SORCS3: variants seen among roughly 807,000 people sequenced by gnomAD.
The protein encoded by SORCS3 is VPS10 domain-containing receptor SorCS3.
In SORCS3, 57 loss-of-function variants were observed where a neutral mutation model predicts 146.3. The ratio of observed to expected loss-of-function variants is 0.39; its 90% CI spans 0.31 to 0.49. The LOEUF is 0.49. Among genes scored for constraint, SORCS3 ranks in the 20% least tolerant of loss-of-function variants. SORCS3 has a pLI of 0.92. For synonymous variants in SORCS3, 653 were observed against 618.5 expected (o/e 1.06, Z -0.83); for missense variants, 1,341 against 1,575.5 (o/e 0.85, Z 2.52).
intron 11 of SORCS3, among the ~76,000 whole-genome samples, chr10:105,161,611 C>G (rs549121171): frequency 2.6e-5 from 4 of 152,272 alleles, no homozygotes; most frequent in African/African-American, 7.2e-5. Flanking sequence ...TTGCCTTTTG[C>G]AAGCAGAAAC....
chr10:105,188,878 T>A (rs2056495933), intron 14 of SORCS3, among the ~76,000 whole-genome samples: 1 of 152,202 alleles, frequency 6.6e-6, no homozygotes, highest in African/African-American at 2.4e-5. Flanking sequence ...GAGTCGGGAT[T>A]TGTGGTTACC....
chr10:104,696,793 A>G (rs2016221916), intron 1 of SORCS3, among the ~76,000 whole-genome samples: 1 of 134,780 alleles, frequency 7.4e-6, no homozygotes, highest in Non-Finnish European at 1.5e-5. Flanking sequence ...ATGGAATATT[A>G]TTCAGCCATA....
intron 25 of SORCS3, among the ~76,000 whole-genome samples, chr10:105,259,357 CCT>C (rs2056947980): frequency 6.6e-6 from 1 of 152,176 alleles, no homozygotes. Flanking sequence ...TCCAAAGCTT[CCT>C]CTCTGTAATT....
chr10:105,113,362 A>G (rs1244211642), intron 7 of SORCS3, among the ~76,000 whole-genome samples: 4 of 152,306 alleles, frequency 2.6e-5, no homozygotes, highest in Middle Eastern at 3.4e-3. Context: ...AATGTACAGT[A>G]TATGCATTTG....
At chr10:105,130,956 G>A (rs1489646729) in intron 7 of SORCS3, among the ~76,000 whole-genome samples, 2 of 152,166 alleles carry the variant, frequency 1.3e-5, no homozygotes, top group South Asian at 2.1e-4. Context: ...TAGGAAAGCA[G>A]TGTTGGAAAA....
chr10:104,883,967 C>T (rs1455791310), intron 2 of SORCS3, among the ~76,000 whole-genome samples: 1 of 123,550 alleles, frequency 8.1e-6, no homozygotes, highest in Non-Finnish European at 1.6e-5. Context: ...CACTGTTCTG[C>T]TGTGGAATGA....
intron 22 of SORCS3, among the ~76,000 whole-genome samples, chr10:105,250,503 G>A (rs888073089): frequency 7.2e-5 from 11 of 152,162 alleles, no homozygotes; most frequent in Non-Finnish European, 8.8e-5. Context: ...AAATGAATCT[G>A]TATACACTGC....
At position 104,968,928 on chromosome 10, in the gene SORCS3, C is replaced by A. The variant is rs140025040; in HGVS notation, c.796-8407C>A. 1.8e-3 allele frequency among the ~76,000 whole-genome samples: 275 copies of A among 152,296 alleles called. 3 individuals carry two copies. The highest frequency in any genetic ancestry group is 6.4e-3 in the African/African-American group (267 of 41,562). The stretch of plus-strand genomic sequence containing the variant: ...TGTGTACTTTCCGATTTGACACAGT[C>A]CTCACCAGTCCCTGTCTTGGCTTGT... On this transcript the variant is annotated intron_variant, in intron 3 of 26. Coordinates refer to ENST00000369701, the MANE Select transcript of SORCS3 (RefSeq NM_014978.3).
At chr10:105,242,468 T>TTATATATTTATATATTTA (rs1564793466) in intron 20 of SORCS3, among the ~76,000 whole-genome samples, 5 of 78,952 alleles carry the variant, frequency 6.3e-5, no homozygotes, top group African/African-American at 2.5e-4. Flanking sequence ...ATTTATATAT[T>TTATATATTTATATATTTA]TATATATTTA....
At chr10:104,842,400 CAG>C (rs1409434638) in intron 1 of SORCS3, among the ~76,000 whole-genome samples, 3 of 152,180 alleles carry the variant, frequency 2.0e-5, no homozygotes, top group African/African-American at 4.8e-5. Context: ...TTCTGTAAAT[CAG>C]AGTCATCTCT....
chr10:105,085,751 G>A (rs2055655978), intron 5 of SORCS3, among the ~76,000 whole-genome samples: 1 of 152,064 alleles, frequency 6.6e-6, no homozygotes, highest in South Asian at 2.1e-4. Context: ...TGTGTCTAGT[G>A]GTCTGTCTGT....
At chr10:105,113,502 T>C (rs1435786045) in intron 7 of SORCS3, among the ~76,000 whole-genome samples, 2 of 152,188 alleles carry the variant, frequency 1.3e-5, no homozygotes, top group Non-Finnish European at 2.9e-5. Context: ...GGAATGTGCC[T>C]CATACCCAAT....
intron 3 of SORCS3, among the ~76,000 whole-genome samples, chr10:104,953,521 T>C (rs1238155812): frequency 1.3e-5 from 2 of 152,218 alleles, no homozygotes; most frequent in African/African-American, 4.8e-5. Context: ...TCCAGGAAAA[T>C]GCAATGTTTC....
At chr10:105,041,046 A>G (rs2055334588) in intron 4 of SORCS3, among the ~76,000 whole-genome samples, 1 of 143,118 alleles carries the variant, frequency 7.0e-6, no homozygotes, top group Non-Finnish European at 1.5e-5. Context: ...TTTAGCATAT[A>G]TATAAGAAAT....
intron 2 of SORCS3, among the ~76,000 whole-genome samples, chr10:104,856,128 G>A (rs2018328675): frequency 6.6e-6 from 1 of 152,078 alleles, no homozygotes; most frequent in African/African-American, 2.4e-5. Flanking sequence ...AATGAGGTAT[G>A]TAAGCCTATT....
intron 14 of SORCS3, among the ~76,000 whole-genome samples, chr10:105,195,112 T>G (rs2056536860): frequency 6.6e-6 from 1 of 152,180 alleles, no homozygotes; most frequent in Admixed American, 6.5e-5. Flanking sequence ...ATGCCTTTGG[T>G]TCTTCCATCC....
chr10:105,160,645 G>A (rs1412755147), intron 11 of SORCS3, among the ~76,000 whole-genome samples: 2 of 152,054 alleles, frequency 1.3e-5, no homozygotes, highest in African/African-American at 4.8e-5. Flanking sequence ...ATAAATAAAT[G>A]AATAAAATGC....
chr10:105,024,794 T>C (rs2055216685), intron 4 of SORCS3, among the ~76,000 whole-genome samples: 1 of 152,194 alleles, frequency 6.6e-6, no homozygotes, highest in Non-Finnish European at 1.5e-5. Context: ...TGCCTAAGAA[T>C]TAAACAAAGG....
chr10:104,709,229 GGT>G (rs769843871), intron 1 of SORCS3, among the ~76,000 whole-genome samples: 2 of 152,088 alleles, frequency 1.3e-5, no homozygotes, highest in Non-Finnish European at 2.9e-5. Flanking sequence ...ATTTGGGTTG[GGT>G]GTTTGGATCT....
Sources: gnomAD v4.1 joint callset for allele counts (sites outside exome capture counted in the v4.1 genomes callset) on GRCh38, gnomAD v4.1.1 for gene constraint, MANE v1.5 for transcripts, NCBI Gene and HGNC (gene_info 2026-07-23, HGNC 2026-07-21) for gene names.